The following PPIL4 variants were observed in gnomAD, a reference collection of about 807,000 sequenced individuals.
PPIL4 encodes the protein peptidyl-prolyl cis-trans isomerase-like 4.
A neutral mutation model predicts 69.1 loss-of-function variants in PPIL4; 50 were observed. That is an observed-to-expected ratio of 0.72 (90% CI 0.58 to 0.92). The LOEUF is 0.92. Ranked by LOEUF, PPIL4 falls within the 40% of genes least tolerant of loss-of-function variation. The pLI is 0.00. For missense variants in PPIL4, 480 were observed against 587.9 expected, an observed-to-expected ratio of 0.82 and a Z score of 1.90; for synonymous variants, 193 against 191.6, an observed-to-expected ratio of 1.01 and a Z score of -0.06.
intron 11 of PPIL4, among the ~76,000 whole-genome samples, chr6:149,514,675 C>A (rs1325601101): frequency 1.3e-5 from 2 of 149,868 alleles, no homozygotes; most frequent in African/African-American, 4.9e-5. Flanking sequence ...GGTATAAAAT[C>A]TATTTAGTGG....
chr6:149,505,169 G>T lies in PPIL4; in HGVS notation c.*284C>A. The T allele has an allele frequency of 3.7e-6, 1 of 271,804 alleles. No individual in the cohort carries two copies. Among genetic ancestry groups the T allele is most frequent in the Non-Finnish European group, 6.9e-6 (1 of 144,632 alleles). 16.8% of individuals were successfully genotyped at this position (271,804 alleles called of 1,614,324 possible). A position where few individuals can be genotyped will look rare whatever the true frequency, so the allele number is the denominator to read the frequency against. ...TTTATATATACGTTTATGTATTTTT[G>T]TAGTATGAAATACTTCATTAAAAAA... On this transcript the variant is annotated 3_prime_UTR_variant, in exon 13 of 13. Coordinates refer to ENST00000253329, the MANE Select transcript of PPIL4 (RefSeq NM_139126.4).
intron 4 of PPIL4, among the ~76,000 whole-genome samples, chr6:149,540,365 C>A (rs919252337): frequency 6.6e-6 from 1 of 152,056 alleles, no homozygotes; most frequent in African/African-American, 2.4e-5. Context: ...GCCTGTAATC[C>A]CAGCACTTTG....
intron 8 of PPIL4, among the ~76,000 whole-genome samples, chr6:149,525,875 C>T (rs541148263): frequency 1.1e-3 from 169 of 152,192 alleles, no homozygotes; most frequent in Non-Finnish European, 1.9e-3. Flanking sequence ...CCAAGACGGA[C>T]GGATCACAAG....
intron 7 of PPIL4, among the ~76,000 whole-genome samples, chr6:149,529,235 AAAAC>A (rs1218999376): frequency 1.3e-5 from 2 of 151,876 alleles, no homozygotes; most frequent in African/African-American, 4.8e-5. Context: ...CTAAAAAAAA[AAAAC>A]AAAAAAAAGA....
At chr6:149,516,209 C>G (rs1406370872) in intron 11 of PPIL4, among the ~76,000 whole-genome samples, 1 of 152,140 alleles carries the variant, frequency 6.6e-6, no homozygotes, top group Non-Finnish European at 1.5e-5. Context: ...CCATTCATAA[C>G]TTTTATGATT....
At chr6:149,516,245 A>G (rs1776942125) in intron 11 of PPIL4, among the ~76,000 whole-genome samples, 1 of 152,204 alleles carries the variant, frequency 6.6e-6, no homozygotes, top group South Asian at 2.1e-4. Flanking sequence ...TATGCCCTTG[A>G]ATGTTGATCT....
At chr6:149,524,900 CA>C (rs961035273) in intron 9 of PPIL4, among the ~76,000 whole-genome samples, 352 of 134,230 alleles carry the variant, frequency 2.6e-3, no homozygotes, top group East Asian at 4.5e-3. Context: ...GACCCTGTCT[CA>C]AAAAAAAAAA....
At chr6:149,539,353 G>A (rs1432581762) in intron 4 of PPIL4, among the ~76,000 whole-genome samples, 6 of 152,118 alleles carry the variant, frequency 3.9e-5, no homozygotes, top group Non-Finnish European at 7.4e-5. Context: ...GAAAGGAAGA[G>A]TCCATCAACA....
At chr6:149,513,783 A>G (rs1041132022) in intron 11 of PPIL4, among the ~76,000 whole-genome samples, 2 of 151,884 alleles carry the variant, frequency 1.3e-5, no homozygotes, top group Non-Finnish European at 2.9e-5. Context: ...ATGTGTTAAA[A>G]ATGTTTTAAT....
chr6:149,526,717 T>C lies in PPIL4; in HGVS notation c.738A>G (p.Lys246=), dbSNP rs780566523. Residue 246 remains lysine, a synonymous_variant, in exon 8 of 13, where the codon AAA becomes AAG. Transcript: ENST00000253329. The part of the protein sequence containing the change: ...KPPENVLFVC[K]LNPVTTDEDL... ...CCTCATCTGTGGTCACTGGGTTCAA[T>C]TTACACACAAACAGTACATTTTCTG... 6.2e-7 allele frequency: 1 copy of C among 1,612,680 alleles called. No homozygotes were observed. Among genetic ancestry groups the C allele is most frequent in the East Asian group, 2.2e-5 (1 of 44,802 alleles).
At chr6:149,532,077 C>A (rs74859814) in intron 7 of PPIL4, among the ~76,000 whole-genome samples, 3,264 of 152,182 alleles carry the variant, frequency 0.021, 107 homozygotes, top group African/African-American at 0.074. Context: ...AGGAAATACA[C>A]ACTGATTAAG....
intron 3 of PPIL4, 137 bp downstream of exon 3, chr6:149,541,230 T>C (rs1777355792): frequency 1.9e-6 from 1 of 531,626 alleles, no homozygotes; most frequent in Non-Finnish European, 3.0e-6. Context: ...TTAAACCATA[T>C]TTTAAAATGC....
intron 4 of PPIL4, among the ~76,000 whole-genome samples, chr6:149,539,780 G>C (rs182706775): frequency 1.0e-3 from 157 of 152,212 alleles, no homozygotes; most frequent in African/African-American, 3.8e-3. Flanking sequence ...CCCTTCACCA[G>C]CAAAAAGATT....
intron 4 of PPIL4, among the ~76,000 whole-genome samples, chr6:149,536,953 C>A (rs1286386430): frequency 6.6e-6 from 1 of 151,978 alleles, no homozygotes; most frequent in Admixed American, 6.6e-5. Context: ...TGGTGAAACC[C>A]TGTCTCCACT....
intron 4 of PPIL4, 130 bp downstream of exon 4, chr6:149,540,811 AT>A (rs994768346): frequency 4.8e-5 from 24 of 495,312 alleles, no homozygotes; most frequent in African/African-American, 3.7e-4. Context: ...GAAAAAGTGC[AT>A]TTTTTCCCCT....
intron 1 of PPIL4, 147 bp from the exon 2 acceptor site, chr6:149,541,733 C>T (rs543488955): frequency 1.3e-5 from 7 of 530,074 alleles, no homozygotes; most frequent in East Asian, 3.1e-5. Context: ...GGCAATAGGC[C>T]GGGCGCTGGC....
intron 5 of PPIL4, among the ~76,000 whole-genome samples, chr6:149,535,104 C>A (rs1467348113): frequency 6.6e-6 from 1 of 152,192 alleles, no homozygotes; most frequent in Non-Finnish European, 1.5e-5. Flanking sequence ...TTCCTGTAAT[C>A]CCAACACTTC....
intron 11 of PPIL4, among the ~76,000 whole-genome samples, chr6:149,514,763 CAAGT>C (rs1353883279): frequency 1.3e-4 from 6 of 46,772 alleles, no homozygotes; most frequent in Admixed American, 1.1e-3. Context: ...TCTTTTGGTT[CAAGT>C]GTGTGTGTGT....
chr6:149,540,951 A>C lies in PPIL4; in HGVS notation c.312T>G (p.His104Gln). ...VSMVNNGSDQ[H>Q]GSQFLITTGE... is the part of the protein sequence containing the mutation. ...TTACTCATTTCCTAACCTGAGATCC[A>C]TGTTGATCACTGCCATTATTCACCA... The change falls in exon 4 of 13, where the codon CAT becomes CAG. Residue 104 changes from histidine (H) to glutamine (Q), a missense_variant. Physicochemically the swap from His to Gln is conservative, Grantham distance 24 (BLOSUM62 0). Transcript: ENST00000253329. The C allele has an allele frequency of 6.3e-7, 1 of 1,588,778 alleles. No homozygotes were observed. Among genetic ancestry groups the C allele is most frequent in the Non-Finnish European group, 8.6e-7 (1 of 1,157,874 alleles).
Sources: allele counts gnomAD v4.1 joint callset (sites outside exome capture counted in the v4.1 genomes callset), GRCh38; gene constraint gnomAD v4.1.1; transcripts MANE v1.5; gene names NCBI Gene and HGNC (gene_info 2026-07-23, HGNC 2026-07-21).